The following EIF3M variants were observed in gnomAD, a reference collection of about 807,000 sequenced individuals.
EIF3M encodes the protein B5 receptor.
In EIF3M, 25 loss-of-function variants were observed where a neutral mutation model predicts 49.7. The observed-to-expected ratio is 0.50, with a 90% CI of 0.37 to 0.70. EIF3M has a LOEUF of 0.70. Among genes scored for constraint, EIF3M ranks in the 30% least tolerant of loss-of-function variants. The pLI, the probability that EIF3M is intolerant of heterozygous loss-of-function variation, is 0.00. For synonymous variants in EIF3M, 156 were observed against 149.8 expected, an observed-to-expected ratio of 1.04 and a Z score of -0.30; for missense variants, 350 against 440.0, an observed-to-expected ratio of 0.80 and a Z score of 1.83.
intron 2 of EIF3M, among the ~76,000 whole-genome samples, 157 bp from the exon 3 acceptor site, chr11:32,588,437 C>T (rs1234080419): frequency 6.7e-6 from 1 of 149,134 alleles, no homozygotes; most frequent in Non-Finnish European, 1.5e-5. Flanking sequence ...GTATCAATTT[C>T]CTTCCTCTTT....
At chr11:32,595,912 C>A in intron 7 of EIF3M, 54 bp from the exon 8 acceptor site, 6 of 1,257,834 alleles carry the variant, frequency 4.8e-6, no homozygotes, top group Non-Finnish European at 6.7e-6. Context: ...GAATATCTTA[C>A]AATAAATCTG....
At chr11:32,586,768 G>C (rs1444086235) in intron 1 of EIF3M, among the ~76,000 whole-genome samples, 2 of 152,226 alleles carry the variant, frequency 1.3e-5, no homozygotes, top group Non-Finnish European at 2.9e-5. Flanking sequence ...GACTACATGA[G>C]AGAAATTCTG....
At chr11:32,589,495 GT>G (rs1429641584) in intron 4 of EIF3M, 51 bp from the exon 5 acceptor site, 5 of 1,537,544 alleles carry the variant, frequency 3.3e-6, no homozygotes, top group Non-Finnish European at 4.5e-6. Flanking sequence ...ACTTTTATAT[GT>G]TATACTTTAT....
At chr11:32,596,617 A>AG (rs1391309155) in intron 8 of EIF3M, among the ~76,000 whole-genome samples, 61 of 147,118 alleles carry the variant, frequency 4.1e-4, no homozygotes, top group African/African-American at 1.5e-3. Flanking sequence ...AAAAAAAAAA[A>AG]AAAGAAAGAA....
intron 1 of EIF3M, 101 bp downstream of exon 1, chr11:32,584,030 C>A: frequency 1.3e-6 from 2 of 1,481,754 alleles, no homozygotes; most frequent in Non-Finnish European, 9.2e-7. Flanking sequence ...GGGCTGACAC[C>A]CGCAGCTGTT....
chr11:32,585,295 AT>A (rs752637845), intron 1 of EIF3M, among the ~76,000 whole-genome samples: 179 of 147,006 alleles, frequency 1.2e-3, no homozygotes, highest in Non-Finnish European at 1.0e-3. Flanking sequence ...AGTGTTTGGA[AT>A]TTTTTTTTTT....
chr11:32,598,873 T>C (rs948065560), intron 8 of EIF3M, among the ~76,000 whole-genome samples: 14 of 152,106 alleles, frequency 9.2e-5, no homozygotes, highest in African/African-American at 3.4e-4. Flanking sequence ...TATTCATTGA[T>C]AAGAAAAAAT....
intron 5 of EIF3M, among the ~76,000 whole-genome samples, chr11:32,591,339 G>GT (rs757780578): frequency 6.6e-6 from 1 of 152,250 alleles, no homozygotes; most frequent in East Asian, 1.9e-4. Context: ...GTAAGATGTG[G>GT]TTTTTTAAAA....
intron 2 of EIF3M, 120 bp downstream of exon 2, chr11:32,587,264 G>A (rs1855015906): frequency 3.1e-6 from 3 of 968,816 alleles, no homozygotes; most frequent in Admixed American, 2.9e-5. Flanking sequence ...AGATACAGAA[G>A]GCTGACTGTA....
intron 8 of EIF3M, among the ~76,000 whole-genome samples, 170 bp from the exon 9 acceptor site, chr11:32,600,519 T>C (rs7121241): frequency 0.012 from 1,792 of 152,066 alleles, 17 homozygotes; most frequent in East Asian, 0.025. Context: ...AGTCAGTTTA[T>C]AGTTTGCAAA....
intron 9 of EIF3M, 196 bp downstream of exon 9, chr11:32,601,028 C>G (rs1000570648): frequency 1.9e-5 from 10 of 523,614 alleles, no homozygotes; most frequent in Non-Finnish European, 3.0e-5. Flanking sequence ...TATTCTATCC[C>G]TTGAAATCAC....
intron 5 of EIF3M, 70 bp from the exon 6 acceptor site, chr11:32,593,796 T>A: frequency 9.4e-7 from 1 of 1,063,534 alleles, no homozygotes; most frequent in South Asian, 1.8e-5. Context: ...AGTACCTGCC[T>A]CTTAAAAATA....
intron 5 of EIF3M, among the ~76,000 whole-genome samples, chr11:32,593,127 G>A (rs982358476): frequency 2.0e-5 from 3 of 152,174 alleles, no homozygotes; most frequent in East Asian, 1.9e-4. Flanking sequence ...CAGATGTGGG[G>A]AGTAAGTATT....
Position 32,603,117 on chromosome 11 carries a change from AC to A in EIF3M, c.*720del. 2 of 960,358 alleles carry A rather than the reference AC, an allele frequency of 2.1e-6. No homozygotes were observed. The highest frequency in any genetic ancestry group is 3.1e-6 in the Non-Finnish European group (2 of 643,326). 59.5% of individuals were successfully genotyped at this position (960,358 alleles called of 1,614,324 possible). On this transcript the variant is annotated 3_prime_UTR_variant, in exon 11 of 11. Coordinates refer to ENST00000531120, the MANE Select transcript of EIF3M (RefSeq NM_006360.6). ...GCAGTTATGAGTATGTGGTAAAACC[AC>A]CATCTCTTGGCTGATTTCCACTACC...
In EIF3M at chr11:32,604,083, TA is replaced by T. The variant is rs1855313395; in HGVS notation, c.*1688del. 1 of 151,940 alleles carries T rather than the reference TA, an allele frequency of 6.6e-6. No homozygotes were observed. Among genetic ancestry groups the T allele is most frequent in the Non-Finnish European group, 1.5e-5 (1 of 67,870 alleles). The allele number at this position is 151,940 out of a possible 1,614,324, so 9.4% of individuals were successfully genotyped here. On this transcript the variant is annotated 3_prime_UTR_variant, in exon 11 of 11. Transcript: ENST00000531120. ...CCCTCTCTCAAAAATAAATAATAGA[TA>T]AAACAAAAGGAATACTGAATTGTTT...
At chr11:32,584,146 G>C in intron 1 of EIF3M, 1 of 596,732 alleles carries the variant, frequency 1.7e-6, no homozygotes, top group Non-Finnish European at 2.9e-6. Flanking sequence ...ACGCTTCACC[G>C]CCAGCTCCCT....
At chr11:32,590,730 T>C (rs1275712721) in intron 5 of EIF3M, among the ~76,000 whole-genome samples, 1 of 152,194 alleles carries the variant, frequency 6.6e-6, no homozygotes, top group African/African-American at 2.4e-5. Context: ...ATAAAATACA[T>C]ATTTTAATCA....
chr11:32,601,166 G>C (rs1379191328), intron 9 of EIF3M: 1 of 170,632 alleles, frequency 5.9e-6, no homozygotes, highest in African/African-American at 2.4e-5. Context: ...GTGGTTGTAA[G>C]AATTAAATGA....
rs1351461537 is a variant in EIF3M, at chr11:32,605,155, T to A, written c.*2756T>A. ...GCATGAGCCACCCTGCCCGACCTAG[T>A]AATACTTTTTTTTTTTTTTTTTTTT... On this transcript the variant is annotated 3_prime_UTR_variant, in exon 11 of 11. Transcript: ENST00000531120. 6.7e-6 allele frequency: 1 copy of A among 149,558 alleles called. No homozygotes were observed. The highest frequency in any genetic ancestry group is 1.5e-5 in the Non-Finnish European group (1 of 67,386). 9.3% of individuals were successfully genotyped at this position (149,558 alleles called of 1,614,324 possible).
Sources: gnomAD v4.1 joint callset for allele counts (sites outside exome capture counted in the v4.1 genomes callset) on GRCh38, gnomAD v4.1.1 for gene constraint, MANE v1.5 for transcripts, NCBI Gene and HGNC (gene_info 2026-07-23, HGNC 2026-07-21) for gene names.